ARB2A: variants seen among roughly 807,000 people sequenced by gnomAD.
ARB2A encodes ARB2 cotranscriptional regulator A.
At chr5:93,812,543 G>T in the ARB2A span, among the ~76,000 whole-genome samples, 1 of 152,086 alleles carries the variant, frequency 6.6e-6, no homozygotes, top group Non-Finnish European at 1.5e-5. Context: ...TTATCTTTCT[G>T]CCCGGCACAG....
At chr5:93,678,326 T>C in the ARB2A span, among the ~76,000 whole-genome samples, 10 of 152,300 alleles carry the variant, frequency 6.6e-5, no homozygotes, top group East Asian at 1.5e-3. Context: ...AGAAGAGATA[T>C]ATAAAATTCC....
the ARB2A span, among the ~76,000 whole-genome samples, chr5:94,061,302 G>T: frequency 6.6e-6 from 1 of 152,058 alleles, no homozygotes; most frequent in African/African-American, 2.4e-5. Context: ...CGAATAAAAG[G>T]GCCTTCTTCA....
chr5:93,873,812 T>C, the ARB2A span, among the ~76,000 whole-genome samples: 1 of 152,210 alleles, frequency 6.6e-6, no homozygotes, highest in Non-Finnish European at 1.5e-5. Flanking sequence ...CATATCCCAT[T>C]CTTTCTTTCC....
the ARB2A span, among the ~76,000 whole-genome samples, chr5:94,028,017 C>T: frequency 1.3e-5 from 2 of 152,084 alleles, no homozygotes; most frequent in African/African-American, 4.8e-5. Context: ...AAAGAAACAC[C>T]CACACATGTG....
chr5:93,881,225 G>C, the ARB2A span: 1 of 323,738 alleles, frequency 3.1e-6, no homozygotes, highest in African/African-American at 2.2e-5. Context: ...TCTTGAGGTA[G>C]TATATGACAC....
chr5:93,687,538 G>T, the ARB2A span, among the ~76,000 whole-genome samples: 2 of 152,128 alleles, frequency 1.3e-5, no homozygotes, highest in African/African-American at 4.8e-5. Flanking sequence ...TTGCTAAAAA[G>T]AAGAAAGTTG....
the ARB2A span, among the ~76,000 whole-genome samples, chr5:94,041,746 T>C: frequency 6.6e-6 from 1 of 152,188 alleles, no homozygotes; most frequent in African/African-American, 2.4e-5. Flanking sequence ...TCTTTGACTA[T>C]TAAAAACTGC....
At chr5:93,691,335 G>T in the ARB2A span, among the ~76,000 whole-genome samples, 1 of 151,866 alleles carries the variant, frequency 6.6e-6, no homozygotes, top group South Asian at 2.1e-4. Context: ...GAACATAAAT[G>T]GCCTGATGGA....
the ARB2A span, chr5:93,741,302 C>A: frequency 6.2e-7 from 1 of 1,613,654 alleles, no homozygotes. Flanking sequence ...CAGTCCCCTG[C>A]CTCACTAGCT....
chr5:93,675,261 C>T, the ARB2A span, among the ~76,000 whole-genome samples: 1 of 152,154 alleles, frequency 6.6e-6, no homozygotes, highest in Non-Finnish European at 1.5e-5. Flanking sequence ...TACAGCAGAT[C>T]ATTCTACTAA....
chr5:93,832,168 A>G, the ARB2A span, among the ~76,000 whole-genome samples: 2 of 152,110 alleles, frequency 1.3e-5, no homozygotes, highest in African/African-American at 4.8e-5. Context: ...CAACCCCCAG[A>G]ACCTCCGAGG....
chr5:93,876,326 G>A, the ARB2A span, among the ~76,000 whole-genome samples: 2 of 152,088 alleles, frequency 1.3e-5, no homozygotes. Context: ...ATATTAAGCA[G>A]GTTTTCCTGC....
the ARB2A span, among the ~76,000 whole-genome samples, chr5:93,780,999 T>A: frequency 6.6e-6 from 1 of 152,344 alleles, no homozygotes; most frequent in South Asian, 2.1e-4. Context: ...ATACATAACA[T>A]CAGTAACTTT....
At chr5:93,776,994 T>G in the ARB2A span, among the ~76,000 whole-genome samples, 1 of 152,170 alleles carries the variant, frequency 6.6e-6, no homozygotes, top group South Asian at 2.1e-4. Context: ...ATTCTTTGTG[T>G]AATACCACAA....
chr5:94,055,812 A>T, the ARB2A span: 2 of 985,470 alleles, frequency 2.0e-6, no homozygotes, highest in Non-Finnish European at 2.4e-6. Flanking sequence ...CTACAATTCA[A>T]AACTTACAAA....
chr5:93,650,812 G>T, the ARB2A span, among the ~76,000 whole-genome samples: 2 of 149,442 alleles, frequency 1.3e-5, no homozygotes, highest in Non-Finnish European at 3.0e-5. Flanking sequence ...AACATAGCGA[G>T]ACCTTTCTCT....
the ARB2A span, among the ~76,000 whole-genome samples, chr5:93,645,815 T>G: frequency 6.6e-6 from 1 of 152,192 alleles, no homozygotes; most frequent in Non-Finnish European, 1.5e-5. Flanking sequence ...CAGAATTGCA[T>G]TTGACCCAAA....
the ARB2A span, among the ~76,000 whole-genome samples, chr5:94,111,013 C>T: frequency 1.3e-5 from 2 of 152,190 alleles, no homozygotes; most frequent in Non-Finnish European, 2.9e-5. Context: ...GTATTCAACA[C>T]TTAATTCATA....
chr5:93,860,343 A>AC, the ARB2A span, among the ~76,000 whole-genome samples: 1 of 152,110 alleles, frequency 6.6e-6, no homozygotes, highest in Non-Finnish European at 1.5e-5. Context: ...TAGAAAGCAA[A>AC]CCAACAATGT....
Sources: allele counts gnomAD v4.1 joint callset (sites outside exome capture counted in the v4.1 genomes callset), GRCh38; gene constraint gnomAD v4.1.1; transcripts MANE v1.5; gene names NCBI Gene and HGNC (gene_info 2026-07-23, HGNC 2026-07-21).